Variants in LRP1B observed in about 807,000 individuals in gnomAD.
LRP1B encodes the protein low-density lipoprotein receptor-related protein 1B.
A neutral mutation model predicts 556.6 loss-of-function variants in LRP1B; 217 were observed. That is an observed-to-expected ratio of 0.39 (90% CI 0.35 to 0.44). The LOEUF is 0.44. Ranked by LOEUF, LRP1B falls within the 20% of genes least tolerant of loss-of-function variation. The pLI is 1.00. For missense variants in LRP1B, 5,053 were observed against 5,620.8 expected (o/e 0.90, Z 3.23); for synonymous variants, 2,047 against 1,865.8 (o/e 1.10, Z -2.50).
At chr2:142,108,451 A>G (rs1014893775) in intron 1 of LRP1B, among the ~76,000 whole-genome samples, 1 of 152,232 alleles carries the variant, frequency 6.6e-6, no homozygotes, top group Non-Finnish European at 1.5e-5. Flanking sequence ...ACTAAGGCAT[A>G]GGTTGTCAAT....
At chr2:140,418,559 T>G (rs1032923071) in intron 66 of LRP1B, among the ~76,000 whole-genome samples, 1 of 152,118 alleles carries the variant, frequency 6.6e-6, no homozygotes, top group Non-Finnish European at 1.5e-5. Flanking sequence ...TCCTTCCATT[T>G]CAGACATCCC....
chr2:140,838,052 G>A (rs1377102561), intron 31 of LRP1B, among the ~76,000 whole-genome samples: 2 of 151,566 alleles, frequency 1.3e-5, no homozygotes, highest in Non-Finnish European at 2.9e-5. Context: ...ATTATAAGCT[G>A]TTAGGCCTTT....
chr2:140,445,500 T>G (rs924604295), intron 63 of LRP1B, among the ~76,000 whole-genome samples: 1 of 152,168 alleles, frequency 6.6e-6, no homozygotes, highest in Non-Finnish European at 1.5e-5. Flanking sequence ...TATTCATCCC[T>G]ATAATCCGAT....
At chr2:140,950,084 A>T in intron 20 of LRP1B, 151 bp downstream of exon 20, 1 of 504,488 alleles carries the variant, frequency 2.0e-6, no homozygotes, top group Non-Finnish European at 3.3e-6. Flanking sequence ...AGGGAAAGGA[A>T]AGAGATAGCA....
chr2:140,508,477 A>C (rs1333463822), intron 52 of LRP1B, among the ~76,000 whole-genome samples: 2 of 152,194 alleles, frequency 1.3e-5, no homozygotes, highest in African/African-American at 4.8e-5. Context: ...GACATAGTGT[A>C]GGTAACACAT....
At chr2:141,246,721 T>C (rs1338142368) in intron 5 of LRP1B, among the ~76,000 whole-genome samples, 6 of 152,106 alleles carry the variant, frequency 3.9e-5, no homozygotes, top group African/African-American at 1.4e-4. Flanking sequence ...TCCCAGCACT[T>C]TGGGAGGCCT....
At chr2:141,593,852 G>A (rs933040846) in intron 2 of LRP1B, among the ~76,000 whole-genome samples, 12 of 152,150 alleles carry the variant, frequency 7.9e-5, no homozygotes, top group Non-Finnish European at 1.5e-4. Flanking sequence ...AGATAGGGAC[G>A]TGTCCCTAGT....
chr2:140,390,949 A>G (rs13028624), intron 66 of LRP1B, among the ~76,000 whole-genome samples: 16,334 of 152,126 alleles, frequency 0.11, 953 homozygotes, highest in Middle Eastern at 0.15. Context: ...GAGAATATGG[A>G]AGACCTAGCC....
intron 41 of LRP1B, among the ~76,000 whole-genome samples, chr2:140,611,058 C>G (rs757811409): frequency 6.6e-6 from 1 of 152,190 alleles, no homozygotes; most frequent in Non-Finnish European, 1.5e-5. Context: ...CTACACAAAG[C>G]TACAGCCAAT....
chr2:141,286,717 C>A, intron 3 of LRP1B: 1 of 445,782 alleles, frequency 2.2e-6, no homozygotes, highest in Non-Finnish European at 4.5e-6. Context: ...TTTGCTAAAT[C>A]ATATTATTCA....
intron 1 of LRP1B, among the ~76,000 whole-genome samples, chr2:141,855,931 A>T (rs1369130553): frequency 6.6e-6 from 1 of 152,184 alleles, no homozygotes; most frequent in Admixed American, 6.5e-5. Context: ...AATGGTAATC[A>T]TATTTTAATG....
intron 49 of LRP1B, 84 bp downstream of exon 49, chr2:140,525,760 A>C (rs2104966385): frequency 7.6e-7 from 1 of 1,308,800 alleles, no homozygotes; most frequent in Admixed American, 2.4e-5. Flanking sequence ...ATTAAGAATA[A>C]AATTTTAAAA....
chr2:140,308,805 ATACTATCAAAATATGACATAATACT>A (rs1363843778), intron 83 of LRP1B, among the ~76,000 whole-genome samples: 31 of 151,836 alleles, frequency 2.0e-4, no homozygotes, highest in African/African-American at 7.2e-4. Flanking sequence ...TTCTATGAAA[ATACTATCAAAATATGACATAATACT>A]TACTCAAAAC....
chr2:141,864,599 G>A (rs1156800203), intron 1 of LRP1B, among the ~76,000 whole-genome samples: 1 of 150,600 alleles, frequency 6.6e-6, no homozygotes, highest in Non-Finnish European at 1.5e-5. Context: ...CTGGAGGAAT[G>A]CGCCAGGCGC....
intron 9 of LRP1B, 126 bp downstream of exon 9, chr2:141,058,757 T>C: frequency 1.6e-6 from 1 of 616,378 alleles, no homozygotes; most frequent in Non-Finnish European, 2.5e-6. Flanking sequence ...CAAGCAGACA[T>C]GCCTACTTTT....
At chr2:141,503,178 TAATA>T (rs1206152335) in intron 2 of LRP1B, among the ~76,000 whole-genome samples, 11 of 148,096 alleles carry the variant, frequency 7.4e-5, no homozygotes, top group African/African-American at 2.7e-4. Flanking sequence ...ATGAATAATA[TAATA>T]AAGTAAACAT....
chr2:141,370,135 T>A (rs762131563), intron 3 of LRP1B, among the ~76,000 whole-genome samples: 4 of 152,152 alleles, frequency 2.6e-5, no homozygotes, highest in Non-Finnish European at 5.9e-5. Context: ...GATGTAATTA[T>A]TTCTTTTCCT....
intron 58 of LRP1B, 29 bp from the exon 59 acceptor site, chr2:140,485,553 A>G: frequency 6.5e-7 from 1 of 1,548,066 alleles, no homozygotes; most frequent in African/African-American, 1.4e-5. Flanking sequence ...AAAGGTTAAC[A>G]GCGTAAATCC....
chr2:142,127,153 T>C (rs1436534548), intron 1 of LRP1B, among the ~76,000 whole-genome samples: 1 of 151,956 alleles, frequency 6.6e-6, no homozygotes, highest in African/African-American at 2.4e-5. Flanking sequence ...TAATATTTAA[T>C]TTTTCTGCAA....
Sources: allele counts gnomAD v4.1 joint callset (sites outside exome capture counted in the v4.1 genomes callset), GRCh38; gene constraint gnomAD v4.1.1; transcripts MANE v1.5; gene names NCBI Gene and HGNC (gene_info 2026-07-23, HGNC 2026-07-21).